The following GABRB2 variants were observed in gnomAD, a reference collection of about 807,000 sequenced individuals.
GABRB2 encodes the protein gamma-aminobutyric acid type A receptor subunit beta2, also known as gamma-aminobutyric acid receptor subunit beta-2.
Under a neutral mutation model 54.7 loss-of-function variants are expected in GABRB2, and 16 were observed. The ratio of observed to expected loss-of-function variants is 0.29; its 90% CI spans 0.20 to 0.44. The LOEUF (loss-of-function observed/expected upper bound fraction) is 0.44, where lower values mean the gene tolerates loss of function less well. GABRB2 is among the 20% of genes least tolerant of loss of function. The pLI is 1.00. For missense variants in GABRB2, 355 were observed against 644.0 expected (o/e 0.55, Z 4.86); for synonymous variants, 244 against 233.8 (o/e 1.04, Z -0.40).
chr5:161,544,192 C>T (rs564315326), intron 3 of GABRB2, among the ~76,000 whole-genome samples: 2 of 152,228 alleles, frequency 1.3e-5, no homozygotes, highest in South Asian at 2.1e-4. Flanking sequence ...ATATACTATA[C>T]CCCTTTATTT....
chr5:161,463,002 A>C (rs566256171), intron 3 of GABRB2, among the ~76,000 whole-genome samples: 4 of 152,040 alleles, frequency 2.6e-5, no homozygotes, highest in African/African-American at 9.6e-5. Flanking sequence ...AAACTGAAAA[A>C]CCCCAAATAA....
chr5:161,294,879 T>C (rs1757339492), intron 9 of GABRB2, among the ~76,000 whole-genome samples: 1 of 152,162 alleles, frequency 6.6e-6, no homozygotes, highest in Admixed American at 6.6e-5. Context: ...ATAACAAAAC[T>C]AGAACTAAAA....
At chr5:161,519,865 T>C (rs1227128092) in intron 3 of GABRB2, among the ~76,000 whole-genome samples, 3 of 152,068 alleles carry the variant, frequency 2.0e-5, no homozygotes, top group Non-Finnish European at 4.4e-5. Flanking sequence ...AAAATGTAAG[T>C]CTAAGAAATC....
intron 3 of GABRB2, among the ~76,000 whole-genome samples, chr5:161,500,771 T>C (rs546384655): frequency 1.2e-3 from 187 of 152,334 alleles, no homozygotes; most frequent in African/African-American, 4.2e-3. Context: ...ACAGGCAATG[T>C]CAAAATTTCC....
chr5:161,390,306 A>C (rs929904105), intron 5 of GABRB2, among the ~76,000 whole-genome samples: 1 of 152,088 alleles, frequency 6.6e-6, no homozygotes, highest in African/African-American at 2.4e-5. Flanking sequence ...AGACAGAATG[A>C]AATTGAATGA....
chr5:161,487,459 G>A (rs998537915), intron 3 of GABRB2, among the ~76,000 whole-genome samples: 2 of 151,900 alleles, frequency 1.3e-5, no homozygotes, highest in Admixed American at 1.3e-4. Flanking sequence ...ACTACTATTT[G>A]GGTTGAAAAC....
chr5:161,547,624 G>T (rs1470861283), upstream of GABRB2, among the ~76,000 whole-genome samples: 3 of 152,118 alleles, frequency 2.0e-5, no homozygotes, highest in Non-Finnish European at 4.4e-5. Flanking sequence ...CCAGGTTTCG[G>T]TCTGATTCTG....
At chr5:161,423,036 CTT>C (rs2113150931) in intron 4 of GABRB2, among the ~76,000 whole-genome samples, 1 of 152,246 alleles carries the variant, frequency 6.6e-6, no homozygotes, top group South Asian at 2.1e-4. Context: ...ACTATTCCAT[CTT>C]TGAAAAGCTA....
At chr5:161,398,364 A>G (rs1756069222) in intron 5 of GABRB2, among the ~76,000 whole-genome samples, 2 of 152,242 alleles carry the variant, frequency 1.3e-5, no homozygotes, top group Non-Finnish European at 2.9e-5. Context: ...CAATAAGCAT[A>G]GTAGTCAAAG....
chr5:161,321,542 A>G (rs918736068), intron 9 of GABRB2, among the ~76,000 whole-genome samples: 1 of 152,152 alleles, frequency 6.6e-6, no homozygotes, highest in Non-Finnish European at 1.5e-5. Context: ...TTGTTATATT[A>G]CAATATTATT....
chr5:161,446,194 A>G (rs1340462177), intron 4 of GABRB2, among the ~76,000 whole-genome samples: 1 of 152,122 alleles, frequency 6.6e-6, no homozygotes, highest in African/African-American at 2.4e-5. Flanking sequence ...AGTAAGGATT[A>G]TATGTAGCTT....
intron 9 of GABRB2, among the ~76,000 whole-genome samples, chr5:161,321,740 C>CT (rs1561606761): frequency 6.6e-6 from 1 of 152,004 alleles, no homozygotes; most frequent in Non-Finnish European, 1.5e-5. Context: ...TGAAACCTAA[C>CT]TTTTTTTTCT....
intron 5 of GABRB2, among the ~76,000 whole-genome samples, chr5:161,343,599 T>C (rs1034279667): frequency 2.0e-5 from 3 of 152,072 alleles, no homozygotes; most frequent in African/African-American, 4.8e-5. Flanking sequence ...TTCTTACGTA[T>C]GTTTAGAGAG....
intron 9 of GABRB2, among the ~76,000 whole-genome samples, chr5:161,312,598 G>C (rs188968612): frequency 5.9e-5 from 9 of 152,130 alleles, no homozygotes; most frequent in African/African-American, 1.9e-4. Context: ...GAATGAATAC[G>C]TTACTTTTCT....
chr5:161,527,183 A>ACCTAAGGACAAGAAGGATTT (rs70990787), intron 3 of GABRB2, among the ~76,000 whole-genome samples: 2,206 of 151,450 alleles, frequency 0.015, 28 homozygotes, highest in Non-Finnish European at 0.023. Flanking sequence ...AGAAACACAG[A>ACCTAAGGACAAGAAGGATTT]CCTAAGGACA....
intron 5 of GABRB2, among the ~76,000 whole-genome samples, chr5:161,390,637 G>C (rs1442436316): frequency 6.6e-6 from 1 of 151,958 alleles, no homozygotes; most frequent in Non-Finnish European, 1.5e-5. Context: ...AGAGCATGAA[G>C]GAATCTCTGT....
chr5:161,476,714 G>A (rs2113313017), intron 3 of GABRB2, among the ~76,000 whole-genome samples: 1 of 151,966 alleles, frequency 6.6e-6, no homozygotes, highest in East Asian at 1.9e-4. Flanking sequence ...TCAACAAATG[G>A]TATTGGGATA....
intron 4 of GABRB2, among the ~76,000 whole-genome samples, chr5:161,433,393 A>T (rs1757222525): frequency 6.6e-6 from 1 of 150,714 alleles, no homozygotes; most frequent in South Asian, 2.1e-4. Context: ...TGAGCCCAGG[A>T]GTTTGAGACA....
intron 3 of GABRB2, among the ~76,000 whole-genome samples, chr5:161,496,210 C>T (rs1048081783): frequency 8.5e-5 from 13 of 152,118 alleles, no homozygotes; most frequent in African/African-American, 3.1e-4. Flanking sequence ...GCAACCTCCC[C>T]AGCTCTTTTT....
Sources: allele counts gnomAD v4.1 joint callset (sites outside exome capture counted in the v4.1 genomes callset), GRCh38; gene constraint gnomAD v4.1.1; transcripts MANE v1.5; gene names NCBI Gene and HGNC (gene_info 2026-07-23, HGNC 2026-07-21).